Variants in RBPJ observed in about 807,000 individuals in gnomAD.
The protein encoded by RBPJ is recombining binding protein suppressor of hairless.
RBPJ carries 9 observed loss-of-function variants against 67.8 expected under a neutral mutation model. The observed-to-expected ratio is 0.13, with a 90% CI of 0.08 to 0.23. RBPJ has a LOEUF of 0.23. Ranked by LOEUF, RBPJ falls within the 10% of genes least tolerant of loss-of-function variation. The probability of loss-of-function intolerance (pLI) is 1.00; values close to 1 mark genes in which losing one functional copy is unlikely to be tolerated. For synonymous variants in RBPJ, 198 were observed against 203.3 expected, an observed-to-expected ratio of 0.97 and a Z score of 0.22; for missense variants, 305 against 595.6, an observed-to-expected ratio of 0.51 and a Z score of 5.08.
At chr4:26,175,400 G>A (rs1716761285) in intron 1 of RBPJ, among the ~76,000 whole-genome samples, 1 of 152,094 alleles carries the variant, frequency 6.6e-6, no homozygotes, top group Admixed American at 6.5e-5. Context: ...TGAGTCTGGG[G>A]GAGGCAGCAG....
At chr4:26,128,185 T>C in the RBPJ span, among the ~76,000 whole-genome samples, 3 of 152,218 alleles carry the variant, frequency 2.0e-5, no homozygotes, top group African/African-American at 7.2e-5. Context: ...TGGGTTTAGT[T>C]GCCAACTTGG....
At chr4:26,298,496 T>A (rs78246627) in intron 1 of RBPJ, among the ~76,000 whole-genome samples, 151 of 152,342 alleles carry the variant, frequency 9.9e-4, no homozygotes, top group African/African-American at 3.4e-3. Context: ...ACGGGGGATC[T>A]GCACGAGATG....
rs1042373880 is a variant in RBPJ at position 26,355,415 on chromosome 4, C to T, written c.21-30938C>T. 8.6e-5 allele frequency among the ~76,000 whole-genome samples: 13 copies of T among 151,230 alleles called. No individual in the cohort carries two copies. The East Asian group carries it at 1.4e-3, about 16-fold the overall frequency. On this transcript the variant is annotated intron_variant, in intron 1 of 10. Coordinates refer to ENST00000355476, the MANE Select transcript of RBPJ (RefSeq NM_015874.6). ...AGCTCACACCTGTAATCTCACAAGG[C>T]CAAGGTAGGATTGCATGTGTCCAGG... is the stretch of plus-strand genomic sequence containing the variant.
chr4:26,363,271 C>A (rs1728263095), intron 1 of RBPJ, among the ~76,000 whole-genome samples: 1 of 151,966 alleles, frequency 6.6e-6, no homozygotes, highest in African/African-American at 2.4e-5. Flanking sequence ...TCCTGAGTAG[C>A]TGGAACTATA....
chr4:26,132,924 G>A, the RBPJ span, among the ~76,000 whole-genome samples: 5 of 152,146 alleles, frequency 3.3e-5, no homozygotes, highest in Non-Finnish European at 7.3e-5. Flanking sequence ...TCATAGGTGG[G>A]TTTTCGTACT....
chr4:26,293,077 G>C (rs961148987), intron 1 of RBPJ, among the ~76,000 whole-genome samples: 2 of 150,470 alleles, frequency 1.3e-5, no homozygotes, highest in African/African-American at 4.9e-5. Context: ...AGGGGAGTGA[G>C]AATGGGAGAG....
At chr4:26,177,737 G>A (rs1029360446) in intron 1 of RBPJ, among the ~76,000 whole-genome samples, 2 of 152,154 alleles carry the variant, frequency 1.3e-5, no homozygotes, top group Admixed American at 1.3e-4. Context: ...CTGATGATCA[G>A]AGTAATATAT....
At chr4:26,157,089 ACAAACAAAC>A in the RBPJ span, among the ~76,000 whole-genome samples, 34,813 of 89,938 alleles carry the variant, frequency 0.39, 4,657 homozygotes, top group East Asian at 0.49. Flanking sequence ...AAACAAACAA[ACAAACAAAC>A]AAAAACAAAC....
chr4:26,335,617 CTTT>C (rs34386877), intron 1 of RBPJ, among the ~76,000 whole-genome samples: 5 of 107,822 alleles, frequency 4.6e-5, no homozygotes, highest in Admixed American at 1.1e-4. Context: ...ATGCTTACTT[CTTT>C]TTTTTTTTTT....
intron 1 of RBPJ, among the ~76,000 whole-genome samples, chr4:26,313,123 A>G (rs980633280): frequency 1.3e-5 from 2 of 152,120 alleles, no homozygotes; most frequent in Non-Finnish European, 2.9e-5. Flanking sequence ...GAGTCTCACT[A>G]TATTGTCCAG....
At chr4:26,223,344 T>C (rs1718978294) in intron 1 of RBPJ, among the ~76,000 whole-genome samples, 1 of 152,124 alleles carries the variant, frequency 6.6e-6, no homozygotes, top group Non-Finnish European at 1.5e-5. Flanking sequence ...GATAGGAATG[T>C]ACATCCCACT....
chr4:26,137,608 A>G, the RBPJ span, among the ~76,000 whole-genome samples: 4 of 152,170 alleles, frequency 2.6e-5, no homozygotes, highest in African/African-American at 9.7e-5. Context: ...TTCATTTGTA[A>G]AACATGGAAT....
chr4:26,421,688 C>A (rs909149189), intron 5 of RBPJ, among the ~76,000 whole-genome samples: 1 of 152,098 alleles, frequency 6.6e-6, no homozygotes, highest in Non-Finnish European at 1.5e-5. Flanking sequence ...TCTCCATCAC[C>A]ACCAACACCT....
At chr4:26,255,265 G>T (rs1208501467) in intron 1 of RBPJ, among the ~76,000 whole-genome samples, 1 of 139,756 alleles carries the variant, frequency 7.2e-6, no homozygotes, top group African/African-American at 2.9e-5. Flanking sequence ...TGAGCCGGGC[G>T]TGGTGGCGGG....
intron 1 of RBPJ, among the ~76,000 whole-genome samples, chr4:26,327,542 G>GTTTTTTT (rs11350013): frequency 9.0e-3 from 945 of 104,768 alleles, no homozygotes; most frequent in Middle Eastern, 0.021. Context: ...GACCCTGGAG[G>GTTTTTTT]TTTTTTTTTT....
chr4:26,136,019 G>A, the RBPJ span, among the ~76,000 whole-genome samples: 7 of 152,170 alleles, frequency 4.6e-5, no homozygotes, highest in Non-Finnish European at 7.4e-5. Context: ...GGCAAATGAG[G>A]AGCAAAGTCA....
chr4:26,285,693 A>AAAG (rs1245629745), intron 1 of RBPJ, among the ~76,000 whole-genome samples: 2 of 151,482 alleles, frequency 1.3e-5, no homozygotes, highest in South Asian at 2.1e-4. Flanking sequence ...AAAAAAAAAA[A>AAAG]AAAAAAAAAG....
At chr4:26,147,320 A>C in the RBPJ span, among the ~76,000 whole-genome samples, 1 of 152,226 alleles carries the variant, frequency 6.6e-6, no homozygotes, top group Non-Finnish European at 1.5e-5. Context: ...CACAAGGAGG[A>C]TACCCCTGCT....
upstream of RBPJ, among the ~76,000 whole-genome samples, chr4:26,316,518 TTC>T (rs1722632448): frequency 1.6e-5 from 2 of 125,928 alleles, no homozygotes. Context: ...TTCATATATA[TTC>T]ATATATATAT....
Sources: allele counts gnomAD v4.1 joint callset (sites outside exome capture counted in the v4.1 genomes callset), GRCh38; gene constraint gnomAD v4.1.1; transcripts MANE v1.5; gene names NCBI Gene and HGNC (gene_info 2026-07-23, HGNC 2026-07-21).